The following ANKRD11 variants were observed in gnomAD, a reference collection of about 807,000 sequenced individuals.
ANKRD11 encodes the protein ankyrin repeat domain-containing protein 11.
In ANKRD11, 17 loss-of-function variants were observed where a neutral mutation model predicts 195.7. The ratio of observed to expected loss-of-function variants is 0.09; its 90% confidence interval spans 0.06 to 0.13. The LOEUF (loss-of-function observed/expected upper bound fraction) is 0.13, where lower values mean the gene tolerates loss of function less well. Ranked by LOEUF, ANKRD11 falls within the 10% of genes least tolerant of loss-of-function variation. The pLI is 1.00. For missense variants in ANKRD11, 3,735 were observed against 3,566.1 expected (o/e 1.05, Z -1.21); for synonymous variants, 1,953 against 1,528.1 (o/e 1.28, Z -6.49).
chr16:89,464,060 G>A (rs2056796709), intron 1 of ANKRD11, among the ~76,000 whole-genome samples: 2 of 152,220 alleles, frequency 1.3e-5, no homozygotes, highest in South Asian at 4.1e-4. Flanking sequence ...CCAACATGGT[G>A]AAACCCCGTC....
intron 1 of ANKRD11, among the ~76,000 whole-genome samples, chr16:89,432,982 CTCTCTCT>C (rs1567798603): frequency 3.6e-5 from 5 of 138,718 alleles, no homozygotes; most frequent in South Asian, 2.2e-4. Context: ...CTCTCTCTCT[CTCTCTCT>C]CCTCTCTCTC....
intron 3 of ANKRD11, among the ~76,000 whole-genome samples, chr16:89,311,644 A>C (rs2036612899): frequency 6.6e-6 from 1 of 152,176 alleles, no homozygotes; most frequent in Non-Finnish European, 1.5e-5. Context: ...CACAGGAAAA[A>C]CTTCTGTGAC....
intron 1 of ANKRD11, among the ~76,000 whole-genome samples, chr16:89,440,792 A>T (rs1047909814): frequency 6.6e-6 from 1 of 152,248 alleles, no homozygotes; most frequent in Admixed American, 6.5e-5. Context: ...CCTGCCTCCA[A>T]GCCTGCCGGG....
intron 2 of ANKRD11, among the ~76,000 whole-genome samples, chr16:89,390,173 C>T (rs1007827758): frequency 2.8e-5 from 3 of 106,488 alleles, no homozygotes; most frequent in Non-Finnish European, 5.7e-5. Flanking sequence ...CCGAGTGTGG[C>T]GGGGAGCACC....
chr16:89,392,275 T>A (rs149453175), intron 2 of ANKRD11: 1 of 152,282 alleles, frequency 6.6e-6, no homozygotes, highest in Non-Finnish European at 1.5e-5. Flanking sequence ...CTGAGGAAAT[T>A]AAATTTACGT....
intron 1 of ANKRD11, among the ~76,000 whole-genome samples, chr16:89,471,376 G>A (rs1035852976): frequency 4.6e-5 from 7 of 152,064 alleles, no homozygotes; most frequent in Non-Finnish European, 1.0e-4. Flanking sequence ...TCACGAGACG[G>A]CAAGAACTCA....
chr16:89,410,485 G>C (rs562592440), intron 2 of ANKRD11, among the ~76,000 whole-genome samples: 74 of 152,260 alleles, frequency 4.9e-4, no homozygotes, highest in Non-Finnish European at 1.0e-3. Context: ...GCAGAGCTGA[G>C]GCTGTCAGGA....
At chr16:89,313,577 C>T (rs1469216811) in intron 3 of ANKRD11, 2 of 1,289,124 alleles carry the variant, frequency 1.6e-6, no homozygotes, top group Non-Finnish European at 2.0e-6. Context: ...GATCACGATT[C>T]TTTTGGAAAA....
intron 1 of ANKRD11, among the ~76,000 whole-genome samples, chr16:89,481,040 C>A (rs1310354685): frequency 6.6e-6 from 1 of 152,174 alleles, no homozygotes; most frequent in Admixed American, 6.5e-5. Context: ...TCTGCCCCAC[C>A]ACCCCGTTCC....
Position 89,281,211 on chromosome 16 carries a change from C to T in ANKRD11, c.5331G>A (p.Gln1777=). ...ASSGLSENAS[Q]APARPLSTNL... is the part of the protein sequence containing the mutation. ...TTGTGGAGAGAGGCCTGGCAGGAGC[C>T]TGGCTGGCGTTTTCCGAAAGCCCAC... Residue 1777 remains glutamine, a synonymous_variant, in exon 9 of 13, where the codon CAG becomes CAA. Coordinates refer to ENST00000301030, the MANE Select transcript of ANKRD11 (RefSeq NM_013275.6). The surrounding 1 kb of genome is among the most constrained non-coding windows in gnomAD (Gnocchi z 5.5). 1 of 1,614,176 alleles carries T rather than the reference C, an allele frequency of 6.2e-7. No homozygotes were observed. The highest frequency in any genetic ancestry group is 1.1e-5 in the South Asian group (1 of 91,082).
At chr16:89,435,620 C>T (rs933687356) in intron 1 of ANKRD11, among the ~76,000 whole-genome samples, 2 of 152,064 alleles carry the variant, frequency 1.3e-5, no homozygotes, top group Admixed American at 1.3e-4. Context: ...ACACTCACCG[C>T]GAGGGTCCAC....
At chr16:89,411,885 G>C (rs891590627) in intron 2 of ANKRD11, among the ~76,000 whole-genome samples, 1 of 151,934 alleles carries the variant, frequency 6.6e-6, no homozygotes, top group African/African-American at 2.4e-5. Context: ...GAGTCTCCTG[G>C]CCATGTTCCA....
At chr16:89,275,232 T>TG (rs1418934133) in intron 9 of ANKRD11, 41 bp from the exon 10 acceptor site, 5 of 1,532,124 alleles carry the variant, frequency 3.3e-6, no homozygotes, top group Non-Finnish European at 4.4e-6. Flanking sequence ...GCTGGGGCTG[T>TG]GGAACTGCAC....
intron 12 of ANKRD11, among the ~76,000 whole-genome samples, chr16:89,269,743 G>T (rs1280412500): frequency 6.6e-6 from 1 of 151,854 alleles, no homozygotes; most frequent in African/African-American, 2.4e-5. Flanking sequence ...TTACAGGCAC[G>T]CACCACCATG....
chr16:89,288,939 A>G (rs2151785518), intron 6 of ANKRD11: 1 of 568,848 alleles, frequency 1.8e-6, no homozygotes. Context: ...CAATCACCCT[A>G]AAAGGGTAGG....
intron 1 of ANKRD11, among the ~76,000 whole-genome samples, chr16:89,456,251 G>C (rs535442680): frequency 1.2e-4 from 18 of 151,242 alleles, no homozygotes; most frequent in Non-Finnish European, 1.6e-4. Context: ...AAAAAAAAAG[G>C]GGGGGTGGAA....
In ANKRD11 at chr16:89,373,992, G is replaced by A. The variant is rs375442060; in HGVS notation, c.-60+44292C>T. Among the ~76,000 whole-genome samples, 25 of 152,328 alleles carry A rather than the reference G, an allele frequency of 1.6e-4. No individual in the cohort carries two copies. In the East Asian group the frequency reaches 3.5e-3, roughly 21 times the overall value. On this transcript the variant is annotated intron_variant, in intron 2 of 12. Coordinates refer to ENST00000301030, the MANE Select transcript of ANKRD11 (RefSeq NM_013275.6). ...CTCGACATCTCCAGAAGGGTCTGAC[G>A]ACCACAATACCTGCAGGACAGGAGC...
chr16:89,458,074 G>A (rs1319093072), intron 1 of ANKRD11, among the ~76,000 whole-genome samples: 3 of 151,992 alleles, frequency 2.0e-5, no homozygotes, highest in African/African-American at 7.3e-5. Context: ...TCTGCTGTGC[G>A]GTGGCCCCAG....
At chr16:89,489,918 GTC>G in intron 1 of ANKRD11, among the ~76,000 whole-genome samples, 1 of 75,628 alleles carries the variant, frequency 1.3e-5, no homozygotes, top group South Asian at 5.0e-4. Context: ...CGGAGCCCCC[GTC>G]CGCCCCTTAC....
Sources: gnomAD v4.1 joint callset for allele counts (sites outside exome capture counted in the v4.1 genomes callset) on GRCh38, gnomAD v4.1.1 for gene constraint, Gnocchi (gnomAD v3.1) non-coding constraint, MANE v1.5 for transcripts, NCBI Gene and HGNC (gene_info 2026-07-23, HGNC 2026-07-21) for gene names.